Variants in STK3 observed in about 807,000 individuals in gnomAD.
STK3 encodes the protein serine/threonine kinase 3.
STK3 carries 41 observed loss-of-function variants against 58.0 expected under a neutral mutation model. That is an observed-to-expected ratio of 0.71 (90% CI 0.55 to 0.92). STK3 has a LOEUF of 0.92. Ranked by LOEUF, STK3 falls within the 40% of genes least tolerant of loss-of-function variation. The pLI is 0.00. For missense variants in STK3, 479 were observed against 602.7 expected, an observed-to-expected ratio of 0.79 and a Z score of 2.15; for synonymous variants, 170 against 191.0, an observed-to-expected ratio of 0.89 and a Z score of 0.91.
At chr8:98,688,534 CTCAATAAAT>C (rs1461141301) in intron 6 of STK3, among the ~76,000 whole-genome samples, 1 of 152,060 alleles carries the variant, frequency 6.6e-6, no homozygotes, top group Non-Finnish European at 1.5e-5. Context: ...TAAAGGAAGT[CTCAATAAAT>C]TCAAAAAAAT....
At chr8:98,699,810 G>T (rs1825380969) in intron 6 of STK3, among the ~76,000 whole-genome samples, 1 of 152,240 alleles carries the variant, frequency 6.6e-6, no homozygotes, top group Non-Finnish European at 1.5e-5. Flanking sequence ...TCCGGGGTCA[G>T]GGGTCAGGGA....
chr8:98,722,080 TTA>T (rs1303312789), intron 4 of STK3, among the ~76,000 whole-genome samples: 1 of 151,956 alleles, frequency 6.6e-6, no homozygotes, highest in African/African-American at 2.4e-5. Context: ...GGAAGTGGCA[TTA>T]AAATCAAGCT....
intron 8 of STK3, among the ~76,000 whole-genome samples, chr8:98,569,499 C>T (rs1366436984): frequency 6.0e-5 from 9 of 151,014 alleles, no homozygotes; most frequent in Admixed American, 1.3e-4. Context: ...AAAAAAAGTA[C>T]GGCATTAATA....
At chr8:98,750,655 C>T (rs1365473454) in intron 3 of STK3, among the ~76,000 whole-genome samples, 2 of 151,452 alleles carry the variant, frequency 1.3e-5, no homozygotes, top group African/African-American at 4.8e-5. Context: ...GGACTTAGGG[C>T]CAAATTCTAG....
intron 6 of STK3, among the ~76,000 whole-genome samples, chr8:98,607,297 CT>C (rs1255180502): frequency 2.6e-5 from 4 of 152,122 alleles, no homozygotes; most frequent in Admixed American, 6.5e-5. Flanking sequence ...CAAGTCAAAT[CT>C]TTTTTTCATA....
At chr8:98,632,228 A>G (rs1229599989) in intron 6 of STK3, among the ~76,000 whole-genome samples, 2 of 152,234 alleles carry the variant, frequency 1.3e-5, no homozygotes, top group African/African-American at 4.8e-5. Context: ...GTCTTCTAAG[A>G]AAGATAGAAG....
intron 10 of STK3, among the ~76,000 whole-genome samples, chr8:98,518,748 G>A (rs903462835): frequency 6.6e-6 from 1 of 152,100 alleles, no homozygotes; most frequent in Non-Finnish European, 1.5e-5. Context: ...CACAGATTTC[G>A]TGAGCTGGCA....
At chr8:98,699,267 AT>A (rs1263012442) in intron 6 of STK3, among the ~76,000 whole-genome samples, 1 of 151,774 alleles carries the variant, frequency 6.6e-6, no homozygotes, top group African/African-American at 2.4e-5. Flanking sequence ...ATTCTTCTAA[AT>A]TTTTTTCAAA....
At chr8:98,740,627 C>A (rs1242377703) in intron 4 of STK3, among the ~76,000 whole-genome samples, 1 of 152,134 alleles carries the variant, frequency 6.6e-6, no homozygotes, top group Non-Finnish European at 1.5e-5. Flanking sequence ...CCGGTACCAG[C>A]CACTGCAAAA....
Position 98,762,853 on chromosome 8 carries a change from G to C in STK3, c.236+4390C>G, listed in dbSNP as rs114698578. Among the ~76,000 whole-genome samples, 1,027 of 152,232 alleles carry C rather than the reference G, an allele frequency of 6.7e-3. 15 individuals carry two copies. Among genetic ancestry groups the C allele is most frequent in the African/African-American group, 0.024 (985 of 41,518 alleles). ...CCTTGAGAGTGCTTCACTTTGAACT[G>C]TTGGAATCTTTTTACAGGCATTGCT... On this transcript the variant is annotated intron_variant, in intron 3 of 10. Transcript: ENST00000419617.
chr8:98,793,068 ACT>A (rs1832908334), intron 1 of STK3, among the ~76,000 whole-genome samples: 1 of 152,138 alleles, frequency 6.6e-6, no homozygotes, highest in Admixed American at 6.5e-5. Context: ...AAGTGAAGTA[ACT>A]CTGGAATAGA....
In STK3 at chr8:98,468,586, T is replaced by G. The variant is rs182889177; in HGVS notation, c.1318-12586A>C. The stretch of plus-strand genomic sequence containing the variant: ...ATTGTTTTTTCATTAATATTTGTTT[T>G]AAAATATGCTCACAAATGCTATGAA... On this transcript the variant is annotated intron_variant, in intron 10 of 10. Transcript: ENST00000419617. Among the ~76,000 whole-genome samples, 13 of 152,344 alleles carry G rather than the reference T, an allele frequency of 8.5e-5. No homozygotes were observed. The East Asian group carries it at 2.1e-3, about 25-fold the overall frequency.
At chr8:98,739,868 A>G (rs1309225421) in intron 4 of STK3, among the ~76,000 whole-genome samples, 1 of 151,256 alleles carries the variant, frequency 6.6e-6, no homozygotes, top group Non-Finnish European at 1.5e-5. Context: ...ACGAATGTAT[A>G]ACTAGAATAA....
the STK3 span, among the ~76,000 whole-genome samples, chr8:98,353,587 C>T: frequency 2.0e-4 from 30 of 152,264 alleles, no homozygotes; most frequent in Admixed American, 2.0e-3. Flanking sequence ...TATGTATATG[C>T]AAATATTTCA....
chr8:98,753,740 C>CA (rs372627801), intron 3 of STK3, among the ~76,000 whole-genome samples: 50 of 150,626 alleles, frequency 3.3e-4, no homozygotes, highest in African/African-American at 6.8e-4. Context: ...GCAATAAATA[C>CA]AAAAAAAAAT....
At chr8:98,620,509 A>T (rs1294867990) in intron 6 of STK3, among the ~76,000 whole-genome samples, 2 of 148,998 alleles carry the variant, frequency 1.3e-5, no homozygotes, top group Admixed American at 6.7e-5. Flanking sequence ...TAAAAAGGTC[A>T]ACATCAAAAA....
intron 1 of STK3, among the ~76,000 whole-genome samples, chr8:98,789,333 C>T (rs1832663530): frequency 2.0e-5 from 3 of 152,072 alleles, no homozygotes; most frequent in South Asian, 4.1e-4. Context: ...CAATCTAAGG[C>T]CACACCTCAA....
intron 4 of STK3, among the ~76,000 whole-genome samples, chr8:98,744,870 A>C (rs1337068568): frequency 6.6e-6 from 1 of 152,148 alleles, no homozygotes; most frequent in Non-Finnish European, 1.5e-5. Context: ...AGGGATAGAA[A>C]ATTGTGTTAG....
intron 6 of STK3, among the ~76,000 whole-genome samples, chr8:98,636,494 C>G (rs1819629218): frequency 6.6e-6 from 1 of 152,144 alleles, no homozygotes. Context: ...AGTACCTGCT[C>G]TCTTGAGACA....
Sources: allele counts gnomAD v4.1 joint callset (sites outside exome capture counted in the v4.1 genomes callset), GRCh38; gene constraint gnomAD v4.1.1; transcripts MANE v1.5; gene names NCBI Gene and HGNC (gene_info 2026-07-23, HGNC 2026-07-21).